MFHAS1: variants seen among roughly 807,000 people sequenced by gnomAD.
MFHAS1 encodes malignant fibrous histiocytoma-amplified sequence 1.
A neutral mutation model predicts 70.4 loss-of-function variants in MFHAS1; 50 were observed. The observed-to-expected ratio is 0.71, with a 90% CI of 0.57 to 0.90. MFHAS1 has a LOEUF of 0.90. Among genes scored for constraint, MFHAS1 ranks in the 40% least tolerant of loss-of-function variants. MFHAS1 has a pLI of 0.00. For missense variants in MFHAS1, 1,795 were observed against 1,347.6 expected (o/e 1.33, Z -5.20); for synonymous variants, 952 against 620.0 (o/e 1.54, Z -7.96).
At chr8:8,832,451 A>ACACT (rs1277627993) in intron 1 of MFHAS1, among the ~76,000 whole-genome samples, 1 of 148,956 alleles carries the variant, frequency 6.7e-6, no homozygotes, top group Non-Finnish European at 1.5e-5. Flanking sequence ...ACACACACAC[A>ACACT]CACAGAGCCA....
Position 8,797,520 on chromosome 8 carries a change from G to A in MFHAS1, c.2999-29C>T, listed in dbSNP as rs112521902. On this transcript the variant is annotated intron_variant, in intron 1 of 2. Coordinates refer to ENST00000276282, the MANE Select transcript of MFHAS1 (RefSeq NM_004225.3). ...TAGGAGGAGAGAGAAAAACGTGTTA[G>A]GGAGATGTGCACTAAAAATGGGCTC... The A allele has an allele frequency of 1.2e-4, 193 of 1,602,904 alleles. No individual in the cohort carries two copies. In the African/African-American group the frequency reaches 1.8e-3, roughly 15 times the overall value.
intron 2 of MFHAS1, among the ~76,000 whole-genome samples, chr8:8,791,716 A>G (rs1423649138): frequency 6.6e-6 from 1 of 152,202 alleles, no homozygotes; most frequent in African/African-American, 2.4e-5. Flanking sequence ...GCCCACGGGA[A>G]GTATAGGTTT....
chr8:8,878,260 G>C (rs1809372764), intron 1 of MFHAS1, among the ~76,000 whole-genome samples: 2 of 152,326 alleles, frequency 1.3e-5, no homozygotes, highest in African/African-American at 4.8e-5. Context: ...TGAGACCCAA[G>C]TGACGGTGGG....
At chr8:8,874,742 A>T (rs1361613545) in intron 1 of MFHAS1, among the ~76,000 whole-genome samples, 1 of 152,182 alleles carries the variant, frequency 6.6e-6, no homozygotes, top group Non-Finnish European at 1.5e-5. Flanking sequence ...AAGAAATCAC[A>T]GAGGAAGCTA....
intron 1 of MFHAS1, among the ~76,000 whole-genome samples, chr8:8,824,214 G>A (rs547122326): frequency 6.6e-6 from 1 of 151,878 alleles, no homozygotes; most frequent in East Asian, 2.0e-4. Context: ...CTTCTCAGGG[G>A]CTCTGCGGGG....
At chr8:8,860,022 T>G (rs908635281) in intron 1 of MFHAS1, 1 of 152,152 alleles carries the variant, frequency 6.6e-6, no homozygotes, top group Non-Finnish European at 1.5e-5. Context: ...TGAAACACAT[T>G]TGGCTGGCTC....
At chr8:8,863,721 G>C (rs1585058738) in intron 1 of MFHAS1, among the ~76,000 whole-genome samples, 1 of 152,070 alleles carries the variant, frequency 6.6e-6, no homozygotes, top group Admixed American at 6.6e-5. Flanking sequence ...CTAAGAGTCT[G>C]GCCCTTACCT....
intron 1 of MFHAS1, among the ~76,000 whole-genome samples, chr8:8,886,917 G>C (rs1007921771): frequency 6.6e-6 from 1 of 152,198 alleles, no homozygotes; most frequent in Non-Finnish European, 1.5e-5. Context: ...TCTGAGGTCA[G>C]GAGTTCAAGA....
At position 8,785,187 on chromosome 8, in the gene MFHAS1, A is replaced by C. The variant is rs1563171793; in HGVS notation, c.*835T>G. On this transcript the variant is annotated 3_prime_UTR_variant, in exon 3 of 3. Coordinates refer to ENST00000276282, the MANE Select transcript of MFHAS1 (RefSeq NM_004225.3). Reference sequence around the variant, plus strand: ...GACTTTTTGTCCTCTTTGGCCCCTGAGTGTGCCCCATCTCTGCCCAGCACT... The same window carrying C: ...GACTTTTTGTCCTCTTTGGCCCCTGCGTGTGCCCCATCTCTGCCCAGCACT... 1 of 152,232 alleles carries C rather than the reference A, an allele frequency of 6.6e-6. No homozygotes were observed. Among genetic ancestry groups the C allele is most frequent in the Non-Finnish European group, 1.5e-5 (1 of 68,046 alleles). 9.4% of individuals were successfully genotyped at this position (152,232 alleles called of 1,614,324 possible).
intron 1 of MFHAS1, among the ~76,000 whole-genome samples, chr8:8,808,896 G>A (rs990534625): frequency 6.6e-6 from 1 of 152,156 alleles, no homozygotes; most frequent in Non-Finnish European, 1.5e-5. Context: ...CCATGGACTG[G>A]TACGCGTCCA....
intron 1 of MFHAS1, among the ~76,000 whole-genome samples, chr8:8,833,543 T>C (rs2117329292): frequency 6.6e-6 from 1 of 152,150 alleles, no homozygotes; most frequent in Middle Eastern, 3.4e-3. Context: ...GTAGGAAGAC[T>C]GCTTGAAACC....
In MFHAS1 at chr8:8,890,696, T is replaced by C; in HGVS notation, c.2363A>G (p.Tyr788Cys). 2 of 1,613,652 alleles carry C rather than the reference T, an allele frequency of 1.2e-6. No homozygotes were observed. Among genetic ancestry groups the C allele is most frequent in the South Asian group, 1.1e-5 (1 of 91,046 alleles). Reference protein sequence around the residue: ...ELLRATQLHQYVEGFLLHGLL... With the variant: ...ELLRATQLHQCVEGFLLHGLL... ...CCCATGCAACAGAAAGCCCTCCACA[T>C]ACTGATGGAGCTGGGTGGCCCGGAG... is the stretch of plus-strand genomic sequence containing the variant. The change falls in exon 1 of 3, where the codon TAT becomes TGT. Residue 788 changes from tyrosine (Y) to cysteine (C), a missense_variant. Tyr to Cys is a radical substitution (Grantham distance 194). Transcript: ENST00000276282.
chr8:8,840,488 G>A (rs563336971), intron 1 of MFHAS1, among the ~76,000 whole-genome samples: 4 of 150,586 alleles, frequency 2.7e-5, no homozygotes, highest in African/African-American at 9.8e-5. Context: ...AAAAAGAATG[G>A]TTCATTACCA....
At position 8,812,981 on chromosome 8, in the gene MFHAS1, G is replaced by C. The variant is rs528261268; in HGVS notation, c.2999-15490C>G. On this transcript the variant is annotated intron_variant, in intron 1 of 2. Coordinates refer to ENST00000276282, the MANE Select transcript of MFHAS1 (RefSeq NM_004225.3). ...GGGGTTTCACTTTGTTGGCCAGGATGGTCTCAAACTTGTGACCTCAAGTGA... is the reference window on the plus strand; with the variant it reads ...GGGGTTTCACTTTGTTGGCCAGGATCGTCTCAAACTTGTGACCTCAAGTGA... 3.9e-5 allele frequency among the ~76,000 whole-genome samples: 6 copies of C among 152,250 alleles called. No individual in the cohort carries two copies. The East Asian group carries it at 7.7e-4, about 20-fold the overall frequency.
At chr8:8,827,337 A>C (rs1482527922) in intron 1 of MFHAS1, among the ~76,000 whole-genome samples, 2 of 152,196 alleles carry the variant, frequency 1.3e-5, no homozygotes, top group African/African-American at 4.8e-5. Flanking sequence ...GAACCTTTTA[A>C]ATTCTAGTCT....
At chr8:8,793,231 A>G (rs1805780184) in intron 2 of MFHAS1, among the ~76,000 whole-genome samples, 1 of 152,260 alleles carries the variant, frequency 6.6e-6, no homozygotes, top group Non-Finnish European at 1.5e-5. Flanking sequence ...CCATGGGGGA[A>G]TAAAATGTCT....
At chr8:8,866,207 T>C (rs1229278132) in intron 1 of MFHAS1, among the ~76,000 whole-genome samples, 1 of 152,148 alleles carries the variant, frequency 6.6e-6, no homozygotes, top group Admixed American at 6.5e-5. Flanking sequence ...TCATTTTGCC[T>C]GCGAAAAGCT....
intron 1 of MFHAS1, among the ~76,000 whole-genome samples, chr8:8,855,916 T>A (rs966384414): frequency 1.6e-4 from 25 of 152,186 alleles, no homozygotes; most frequent in Non-Finnish European, 1.9e-4. Context: ...AGCAAGTTAC[T>A]GACAAGGTAA....
At chr8:8,799,887 T>A (rs939153483) in intron 1 of MFHAS1, among the ~76,000 whole-genome samples, 7 of 152,192 alleles carry the variant, frequency 4.6e-5, no homozygotes, top group African/African-American at 1.7e-4. Flanking sequence ...ATCTTCACAA[T>A]GGCCCTAGAT....
Sources: allele counts gnomAD v4.1 joint callset (sites outside exome capture counted in the v4.1 genomes callset), GRCh38; gene constraint gnomAD v4.1.1; transcripts MANE v1.5; gene names NCBI Gene and HGNC (gene_info 2026-07-23, HGNC 2026-07-21).